Variants in KIF6 observed in about 807,000 individuals in gnomAD.
KIF6 encodes the protein kinesin-like protein KIF6.
In KIF6, 106 loss-of-function variants were observed where a neutral mutation model predicts 112.7. The observed-to-expected ratio is 0.94, with a 90% CI of 0.80 to 1.11. KIF6 has a LOEUF of 1.11. Ranked by LOEUF, KIF6 falls within the 50% of genes least tolerant of loss-of-function variation. The pLI is 0.00. For missense variants in KIF6, 929 were observed against 964.0 expected (o/e 0.96, Z 0.48); for synonymous variants, 339 against 339.9 (o/e 1.00, Z 0.03).
chr6:39,608,701 T>A (rs1355786111), intron 6 of KIF6, among the ~76,000 whole-genome samples: 1 of 152,232 alleles, frequency 6.6e-6, no homozygotes, highest in Non-Finnish European at 1.5e-5. Flanking sequence ...AGATTTGAAG[T>A]ATCACACACA....
At position 39,595,951 on chromosome 6, in the gene KIF6, T is replaced by C. The variant is rs1782226855; in HGVS notation, c.846+103A>G. 1.1e-5 allele frequency: 9 copies of C among 846,512 alleles called. No homozygotes were observed. The South Asian group carries it at 1.7e-4, about 16-fold the overall frequency. 52.4% of individuals were successfully genotyped at this position (846,512 alleles called of 1,614,324 possible). A position where few individuals can be genotyped will look rare whatever the true frequency, so the allele number is the denominator to read the frequency against. On this transcript the variant is annotated intron_variant, in intron 7 of 22. Coordinates refer to ENST00000287152, the MANE Select transcript of KIF6 (RefSeq NM_145027.6). ...AATGGCAAATTTTATGTTATATATA[T>C]TTCATCATAATAAAAAAAATTCTAA...
chr6:39,463,853 T>C (rs1773628044), intron 13 of KIF6, among the ~76,000 whole-genome samples: 1 of 152,204 alleles, frequency 6.6e-6, no homozygotes, highest in Admixed American at 6.5e-5. Context: ...ACCAAATAAG[T>C]TGGCTTGCTC....
At chr6:39,578,882 C>T (rs1781131623) in intron 9 of KIF6, among the ~76,000 whole-genome samples, 1 of 152,128 alleles carries the variant, frequency 6.6e-6, no homozygotes, top group South Asian at 2.1e-4. Context: ...TTGTCCTTCA[C>T]ATTATGTTTT....
intron 13 of KIF6, among the ~76,000 whole-genome samples, chr6:39,433,023 C>T (rs1771271943): frequency 6.6e-6 from 1 of 152,122 alleles, no homozygotes; most frequent in Admixed American, 6.5e-5. Context: ...GCTTAAGCTG[C>T]AGGGAAGAAG....
intron 10 of KIF6, among the ~76,000 whole-genome samples, chr6:39,568,299 C>T (rs558825821): frequency 1.1e-4 from 16 of 152,232 alleles, no homozygotes; most frequent in African/African-American, 3.9e-4. Flanking sequence ...TGATCTGAGA[C>T]ATTTGATCAA....
chr6:39,698,578 C>T (rs1582474536), intron 3 of KIF6, among the ~76,000 whole-genome samples: 2 of 152,230 alleles, frequency 1.3e-5, no homozygotes, highest in East Asian at 3.9e-4. Context: ...ACACAATTGG[C>T]TAGGCACCGA....
chr6:39,360,405 G>A lies in KIF6; in HGVS notation c.2072C>T (p.Thr691Ile). 1 of 1,614,106 alleles carries A rather than the reference G, an allele frequency of 6.2e-7. No individual in the cohort carries two copies. Residue 691 changes from threonine (T) to isoleucine (I), a missense_variant, in exon 18 of 23, where the codon ACC becomes ATC. Around this residue, in one of 2 missense-constraint regions of KIF6, gnomAD observed 241 missense variants for 301.4 expected, o/e 0.80. Coordinates refer to ENST00000287152, the MANE Select transcript of KIF6 (RefSeq NM_145027.6). ...TTCCCCAGGCCATACCTGCAGGTTG[G>A]TGGCCTCCTCTGCCCACCAGACTTC... is the stretch of plus-strand genomic sequence containing the variant. Reference protein sequence around the residue: ...EFEVWWAEEATNLQVNSPAVN... With the variant: ...EFEVWWAEEAINLQVNSPAVN...
intron 2 of KIF6, 196 bp from the exon 3 acceptor site, chr6:39,714,962 C>G (rs574238526): frequency 1.9e-6 from 1 of 527,210 alleles, no homozygotes; most frequent in Non-Finnish European, 3.4e-6. Flanking sequence ...GGTGGGTAAA[C>G]AGTATTGCTT....
chr6:39,549,321 G>C (rs1243012708), intron 10 of KIF6, among the ~76,000 whole-genome samples: 1 of 151,954 alleles, frequency 6.6e-6, no homozygotes, highest in Non-Finnish European at 1.5e-5. Flanking sequence ...CATCATTAAT[G>C]ACAGCCAACA....
At chr6:39,633,923 C>A (rs970347702) in intron 5 of KIF6, among the ~76,000 whole-genome samples, 13 of 152,182 alleles carry the variant, frequency 8.5e-5, no homozygotes, top group Non-Finnish European at 1.5e-4. Context: ...TACATGACAA[C>A]AGATCCCATT....
intron 15 of KIF6, among the ~76,000 whole-genome samples, chr6:39,415,791 T>C (rs1455557364): frequency 6.6e-6 from 1 of 152,164 alleles, no homozygotes; most frequent in African/African-American, 2.4e-5. Context: ...GAGAAATGAT[T>C]TTCCCAAATC....
chr6:39,574,745 C>T (rs1780839774), intron 10 of KIF6, among the ~76,000 whole-genome samples: 1 of 152,128 alleles, frequency 6.6e-6, no homozygotes, highest in African/African-American at 2.4e-5. Flanking sequence ...TCTGCATCAT[C>T]TCTATTTTCT....
intron 16 of KIF6, among the ~76,000 whole-genome samples, chr6:39,374,665 A>G (rs1766288179): frequency 6.6e-6 from 1 of 152,214 alleles, no homozygotes; most frequent in South Asian, 2.1e-4. Flanking sequence ...GCAAATTAAA[A>G]TCACAATAAG....
chr6:39,661,149 T>G (rs1786119400), intron 3 of KIF6, among the ~76,000 whole-genome samples: 1 of 152,194 alleles, frequency 6.6e-6, no homozygotes, highest in South Asian at 2.1e-4. Flanking sequence ...ACACATCAAA[T>G]TCTGCTATTT....
intron 15 of KIF6, among the ~76,000 whole-genome samples, chr6:39,402,452 T>A (rs1768778284): frequency 6.6e-6 from 1 of 152,172 alleles, no homozygotes; most frequent in African/African-American, 2.4e-5. Context: ...AAATACTGTT[T>A]TGTGGAGACA....
rs1339169786 is a variant in KIF6 at position 39,343,425 on chromosome 6, G to A, written c.2428+284C>T. ...GCTGACTTTGGGAACAGAGAACAAA[G>A]GAGCTGAAGATCTGGAAGAGACAGA... On this transcript the variant is annotated intron_variant, in intron 22 of 22. Transcript: ENST00000287152. This position sits in a 1 kb window ranked among gnomAD's most constrained non-coding sequence, Gnocchi z 4.1. 1 of 1,393,856 alleles carries A rather than the reference G, an allele frequency of 7.2e-7. No homozygotes were observed. Among genetic ancestry groups the A allele is most frequent in the African/African-American group, 1.4e-5 (1 of 69,612 alleles). 86.3% of individuals were successfully genotyped at this position (1,393,856 alleles called of 1,614,324 possible).
intron 10 of KIF6, among the ~76,000 whole-genome samples, chr6:39,572,720 C>T (rs1254950642): frequency 7.5e-6 from 1 of 134,112 alleles, no homozygotes; most frequent in African/African-American, 2.8e-5. Context: ...GAGACTCAAT[C>T]ACAATCAAAT....
At chr6:39,581,170 T>C (rs1028483882) in intron 9 of KIF6, among the ~76,000 whole-genome samples, 2 of 146,550 alleles carry the variant, frequency 1.4e-5, no homozygotes, top group South Asian at 2.2e-4. Flanking sequence ...TCTTTTTTTT[T>C]TTTTTTTTTT....
At chr6:39,396,892 A>G (rs1459338112) in intron 15 of KIF6, among the ~76,000 whole-genome samples, 1 of 152,202 alleles carries the variant, frequency 6.6e-6, no homozygotes, top group Non-Finnish European at 1.5e-5. Context: ...AATTGTTTCT[A>G]AGGTCTTGAT....
Sources: gnomAD v4.1 joint callset for allele counts (sites outside exome capture counted in the v4.1 genomes callset) on GRCh38, gnomAD v4.1.1 for gene constraint, gnomAD v4.1.1 regional missense constraint, Gnocchi (gnomAD v3.1) non-coding constraint, MANE v1.5 for transcripts, NCBI Gene and HGNC (gene_info 2026-07-23, HGNC 2026-07-21) for gene names.